Variants in RASAL1 observed in about 807,000 individuals in gnomAD.
RASAL1 encodes the protein RAS protein activator like 1.
A neutral mutation model predicts 96.6 loss-of-function variants in RASAL1; 72 were observed. The observed-to-expected ratio is 0.75, with a 90% CI of 0.62 to 0.91. The LOEUF (loss-of-function observed/expected upper bound fraction) is 0.91. Among genes scored for constraint, RASAL1 ranks in the 40% least tolerant of loss-of-function variants. RASAL1 has a pLI of 0.00. For missense variants in RASAL1, 1,016 were observed against 1,072.5 expected (o/e 0.95, Z 0.74); for synonymous variants, 405 against 430.4 (o/e 0.94, Z 0.73).
chr12:113,114,713 G>T, intron 12 of RASAL1, 87 bp downstream of exon 12: 2 of 1,113,388 alleles, frequency 1.8e-6, no homozygotes, highest in Non-Finnish European at 2.7e-6. Flanking sequence ...AGGGTGGGTG[G>T]CAGTCAGCAT....
intron 1 of RASAL1, among the ~76,000 whole-genome samples, chr12:113,131,807 T>G (rs963364808): frequency 2.0e-5 from 3 of 152,146 alleles, no homozygotes; most frequent in African/African-American, 7.2e-5. Flanking sequence ...TGCTGTTCCC[T>G]TTGCCTAAGA....
chr12:113,121,725 C>A, intron 4 of RASAL1, 87 bp from the exon 5 acceptor site: 3 of 1,422,302 alleles, frequency 2.1e-6, no homozygotes, highest in Non-Finnish European at 2.9e-6. Flanking sequence ...ACATTATTTT[C>A]ATTTTTTTTT....
At chr12:113,127,748 T>C in intron 4 of RASAL1, 64 bp downstream of exon 4, 1 of 1,405,362 alleles carries the variant, frequency 7.1e-7, no homozygotes, top group Non-Finnish European at 1.0e-6. Context: ...CCATGTGCTA[T>C]GCCCCTGCAA....
intron 3 of RASAL1, 32 bp from the exon 4 acceptor site, chr12:113,127,905 T>C (rs1182495440): frequency 3.1e-6 from 5 of 1,609,666 alleles, no homozygotes; most frequent in Admixed American, 1.7e-5. Context: ...AAGGTCTGAG[T>C]CAGGGGCCCC....
Position 113,121,621 on chromosome 12 carries a change from T to C in RASAL1, c.316A>G (p.Asn106Asp). ...ADPRGIDSWI[N>D]LSRVDPDAEV... ...GCATCTGGGTCCACTCGGCTCAAGT[T>C]AATCCAGCTGTCAATCCCTGAAGGG... Residue 106 changes from asparagine to aspartate, a missense_variant, in exon 5 of 21, where the codon AAC becomes GAC. Coordinates refer to ENST00000548055, the MANE Select transcript of RASAL1 (RefSeq NM_001301202.2). 1.9e-6 allele frequency: 3 copies of C among 1,614,256 alleles called. No homozygotes were observed. Among genetic ancestry groups the C allele is most frequent in the Non-Finnish European group, 2.5e-6 (3 of 1,180,042 alleles).
At chr12:113,112,015 T>A in intron 13 of RASAL1, 71 bp downstream of exon 13, 3 of 1,204,486 alleles carry the variant, frequency 2.5e-6, no homozygotes, top group Non-Finnish European at 3.1e-6. Context: ...CACAGTTCTG[T>A]CCTGACTCCT....
chr12:113,127,978 G>A (rs539118658), intron 3 of RASAL1, 87 bp downstream of exon 3: 106 of 1,544,378 alleles, frequency 6.9e-5, no homozygotes, highest in Non-Finnish European at 8.7e-5. Context: ...GCACACCCTC[G>A]TGGGCTGTGG....
rs1361065635 is a variant in RASAL1 at position 113,135,681 on chromosome 12, G to A, written c.-219C>T. ...CGTCCGGACTCTACAGGTAGGAGCCGTGCTCCGAGCAGGAGGAGCGCGCAG... is the reference window on the plus strand; with the variant it reads ...CGTCCGGACTCTACAGGTAGGAGCCATGCTCCGAGCAGGAGGAGCGCGCAG... On this transcript the variant is annotated 5_prime_UTR_variant, in exon 1 of 21. The change creates a new upstream start codon in the 5' untranslated region. Transcript: ENST00000548055. This position sits in a 1 kb window ranked among gnomAD's most constrained non-coding sequence, Gnocchi z 5.7. 1 of 488,196 alleles carries A rather than the reference G, an allele frequency of 2.0e-6. No individual in the cohort carries two copies. Among genetic ancestry groups the A allele is most frequent in the Non-Finnish European group, 3.7e-6 (1 of 271,322 alleles). 30.2% of individuals were successfully genotyped at this position (488,196 alleles called of 1,614,324 possible).
chr12:113,103,627 G>A (rs1272854155), intron 18 of RASAL1: 4 of 421,436 alleles, frequency 9.5e-6, no homozygotes, highest in Non-Finnish European at 1.7e-5. Flanking sequence ...AAATTATTGG[G>A]TTATGCACTC....
In RASAL1 at chr12:113,115,409, C is replaced by T. The variant is rs940323096; in HGVS notation, c.1004-145G>A. ...CAACCCCATTCACAGTACAGAGGCC[C>T]GGAGTGGTTAAGTGAATTGCCTGAG... On this transcript the variant is annotated intron_variant, in intron 10 of 20. Coordinates refer to ENST00000548055, the MANE Select transcript of RASAL1 (RefSeq NM_001301202.2). This position sits in a 1 kb window ranked among gnomAD's most constrained non-coding sequence, Gnocchi z 4.1. 32 of 983,702 alleles carry T rather than the reference C, an allele frequency of 3.3e-5. No homozygotes were observed. The highest frequency in any genetic ancestry group is 4.8e-5 in the African/African-American group (3 of 61,894). The allele number at this position is 983,702 out of a possible 1,614,324, so 60.9% of individuals were successfully genotyped here. A position where few individuals can be genotyped will look rare whatever the true frequency, so the allele number is the denominator to read the frequency against.
chr12:113,130,233 C>T lies in RASAL1; in HGVS notation c.122+652G>A, dbSNP rs948392370. Among the ~76,000 whole-genome samples, 1 of 152,176 alleles carries T rather than the reference C, an allele frequency of 6.6e-6. No homozygotes were observed. Among genetic ancestry groups the T allele is most frequent in the Non-Finnish European group, 1.5e-5 (1 of 68,026 alleles). ...CCAAGCAGGGCGCAGCCTGATATCC[C>T]CCTGCGAGACTCACTGACACCCCAA... On this transcript the variant is annotated intron_variant, in intron 2 of 20. Transcript: ENST00000548055. The surrounding 1 kb of genome is among the most constrained non-coding windows in gnomAD (Gnocchi z 5.1).
chr12:113,105,503 A>T (rs1288374754), intron 16 of RASAL1, among the ~76,000 whole-genome samples: 3 of 152,242 alleles, frequency 2.0e-5, no homozygotes, highest in African/African-American at 7.2e-5. Context: ...CACATTCTGA[A>T]GGATGCATGA....
intron 15 of RASAL1, among the ~76,000 whole-genome samples, chr12:113,106,224 C>T (rs1388552659): frequency 6.6e-6 from 1 of 152,108 alleles, no homozygotes; most frequent in Non-Finnish European, 1.5e-5. Flanking sequence ...AGCCAGGACA[C>T]AGCCCCGCCA....
chr12:113,122,541 T>C (rs1951337112), intron 4 of RASAL1, among the ~76,000 whole-genome samples: 1 of 152,196 alleles, frequency 6.6e-6, no homozygotes, highest in Non-Finnish European at 1.5e-5. Context: ...CCCAGGCTGG[T>C]CTCGAACTCC....
chr12:113,108,991 C>A (rs528036061), intron 13 of RASAL1, among the ~76,000 whole-genome samples: 1 of 151,430 alleles, frequency 6.6e-6, no homozygotes, highest in East Asian at 1.9e-4. Flanking sequence ...TATGCCACCA[C>A]ACCTGGCCAG....
chr12:113,131,546 C>A (rs1208850968), intron 1 of RASAL1, among the ~76,000 whole-genome samples: 1 of 152,134 alleles, frequency 6.6e-6, no homozygotes, highest in African/African-American at 2.4e-5. Flanking sequence ...CTCAGCAGAC[C>A]CTCCCTACAG....
At chr12:113,101,384 C>A (rs1048396957) in intron 19 of RASAL1, among the ~76,000 whole-genome samples, 8 of 152,122 alleles carry the variant, frequency 5.3e-5, no homozygotes, top group East Asian at 3.8e-4. Flanking sequence ...CCACTGCACT[C>A]CAGCCTGGGC....
At chr12:113,126,007 G>A (rs904332881) in intron 4 of RASAL1, among the ~76,000 whole-genome samples, 6 of 152,226 alleles carry the variant, frequency 3.9e-5, no homozygotes, top group African/African-American at 9.6e-5. Flanking sequence ...GGTACAGGCC[G>A]GGTGCAGTGG....
Position 113,128,070 on chromosome 12 carries a change from A to G in RASAL1, c.231T>C (p.Thr77=), listed in dbSNP as rs778770856. 1.2e-5 allele frequency: 19 copies of G among 1,613,782 alleles called. No homozygotes were observed. The highest frequency in any genetic ancestry group is 1.7e-4 in the Middle Eastern group (1 of 6,060). Residue 77 remains threonine (T), a synonymous_variant, in exon 3 of 21, where the codon ACT becomes ACC. Coordinates refer to ENST00000548055, the MANE Select transcript of RASAL1 (RefSeq NM_001301202.2). ...QLAFYVLDED[T]VGHDDIIGKI... ...CACTTTCCCCAACCACAAACCCGAC[A>G]GTGTCCTCATCCAGCACGTAGAAGG...
Sources: allele counts gnomAD v4.1 joint callset (sites outside exome capture counted in the v4.1 genomes callset), GRCh38; gene constraint gnomAD v4.1.1; non-coding constraint Gnocchi (gnomAD v3.1); transcripts MANE v1.5; gene names NCBI Gene and HGNC (gene_info 2026-07-23, HGNC 2026-07-21).